The following FAM234B variants were observed in gnomAD, a reference collection of about 807,000 sequenced individuals.
FAM234B encodes family with sequence similarity 234 member B, also known as protein FAM234B.
In FAM234B, 33 loss-of-function variants were observed where a neutral mutation model predicts 69.3. The observed-to-expected ratio is 0.48, with a 90% CI of 0.36 to 0.64. The LOEUF (loss-of-function observed/expected upper bound fraction) is 0.64, where lower values mean the gene tolerates loss of function less well. FAM234B is among the 30% of genes least tolerant of loss of function. The pLI is 0.00. For synonymous variants in FAM234B, 306 were observed against 306.9 expected (o/e 1.00, Z 0.03); for missense variants, 697 against 769.7 (o/e 0.91, Z 1.12).
At chr12:13,048,029 T>C (rs1228929945) in intron 1 of FAM234B, among the ~76,000 whole-genome samples, 1 of 152,194 alleles carries the variant, frequency 6.6e-6, no homozygotes, top group Non-Finnish European at 1.5e-5. Context: ...AAAAAAAAAT[T>C]AGTATAAAAG....
In FAM234B at chr12:13,081,243, A is replaced by G. The variant is rs932595881; in HGVS notation, c.*613A>G. The G allele has an allele frequency of 1.3e-5, 2 of 152,252 alleles. No homozygotes were observed. The highest frequency in any genetic ancestry group is 3.8e-4 in the East Asian group (2 of 5,208). 9.4% of individuals were successfully genotyped at this position (152,252 alleles called of 1,614,324 possible). On this transcript the variant is annotated 3_prime_UTR_variant, in exon 13 of 13. Transcript: ENST00000197268. Reference sequence around the variant, plus strand: ...AGTGGAAGACTGAGTTAGCCATCCAAGCATTTTCATCTCTCTTGTTTTATA... The same window carrying G: ...AGTGGAAGACTGAGTTAGCCATCCAGGCATTTTCATCTCTCTTGTTTTATA...
At chr12:13,046,127 G>C (rs1480525249) in intron 1 of FAM234B, among the ~76,000 whole-genome samples, 2 of 151,930 alleles carry the variant, frequency 1.3e-5, no homozygotes, top group Non-Finnish European at 2.9e-5. Flanking sequence ...CATGTGATGT[G>C]GGTTTTAAGA....
intron 10 of FAM234B, among the ~76,000 whole-genome samples, chr12:13,073,353 A>C (rs1164073129): frequency 6.6e-6 from 1 of 152,036 alleles, no homozygotes; most frequent in Admixed American, 6.6e-5. Flanking sequence ...TGCTGTAGAG[A>C]GTTTGAAGAC....
rs1223583372 is a variant in FAM234B at position 13,082,821 on chromosome 12, G to GGACT, written c.*2193_*2196dup. 6.6e-6 allele frequency: 1 copy of GGACT among 152,112 alleles called. No homozygotes were observed. The highest frequency in any genetic ancestry group is 6.6e-5 in the Admixed American group (1 of 15,264). The allele number at this position is 152,112 out of a possible 1,614,324, so 9.4% of individuals were successfully genotyped here. A position where few individuals can be genotyped will look rare whatever the true frequency, so the allele number is the denominator to read the frequency against. ...GTTTTGGTGGGATTGTTTGGGCAGA[G>GGACT]GACTGTGTTTATGCAGGGCAAATCC... On this transcript the variant is annotated 3_prime_UTR_variant, in exon 13 of 13. Transcript: ENST00000197268.
intron 2 of FAM234B, 67 bp from the exon 3 acceptor site, chr12:13,058,384 C>G (rs2120464014): frequency 7.9e-7 from 1 of 1,271,808 alleles, no homozygotes; most frequent in Admixed American, 1.7e-5. Context: ...TATAGAGCTA[C>G]TGGCAACAGA....
intron 1 of FAM234B, among the ~76,000 whole-genome samples, chr12:13,048,929 A>G (rs1864842762): frequency 6.6e-6 from 1 of 152,162 alleles, no homozygotes. Flanking sequence ...AAACCATCAG[A>G]TCTCGTGAGA....
At chr12:13,050,742 ATCT>A (rs2120444713) in intron 1 of FAM234B, among the ~76,000 whole-genome samples, 1 of 152,262 alleles carries the variant, frequency 6.6e-6, no homozygotes, top group South Asian at 2.1e-4. Flanking sequence ...TAATAATAAT[ATCT>A]ACCATATAAG....
chr12:13,059,283 A>C (rs1864961696), intron 3 of FAM234B, among the ~76,000 whole-genome samples: 1 of 152,184 alleles, frequency 6.6e-6, no homozygotes, highest in Non-Finnish European at 1.5e-5. Flanking sequence ...TCTGGATTCC[A>C]GTAATTGCGT....
intron 5 of FAM234B, among the ~76,000 whole-genome samples, chr12:13,065,293 C>T (rs1472268450): frequency 6.6e-6 from 1 of 152,200 alleles, no homozygotes; most frequent in Non-Finnish European, 1.5e-5. Context: ...ATCCCCATTT[C>T]TCGTACTGTT....
intron 1 of FAM234B, among the ~76,000 whole-genome samples, chr12:13,050,757 T>C (rs1864867432): frequency 6.6e-6 from 1 of 152,156 alleles, no homozygotes; most frequent in Non-Finnish European, 1.5e-5. Flanking sequence ...CCATATAAGA[T>C]TGATGTGAGG....
chr12:13,072,792 T>A (rs1042904275), intron 10 of FAM234B, among the ~76,000 whole-genome samples: 2 of 152,114 alleles, frequency 1.3e-5, no homozygotes. Flanking sequence ...CAAGACACTT[T>A]GTAAGCACTG....
chr12:13,075,163 A>T (rs1415199473), intron 10 of FAM234B, among the ~76,000 whole-genome samples: 3 of 152,196 alleles, frequency 2.0e-5, no homozygotes, highest in African/African-American at 4.8e-5. Flanking sequence ...TTTATAATTG[A>T]TGATTTGCCT....
chr12:13,080,869 G>T lies in FAM234B; in HGVS notation c.*239G>T, dbSNP rs1340979446. ...CATTAATCCCCTCTAGGAACTCTGC[G>T]TGGATCGTTTGGAAATGTGAATCTC... On this transcript the variant is annotated 3_prime_UTR_variant, in exon 13 of 13. Coordinates refer to ENST00000197268, the MANE Select transcript of FAM234B (RefSeq NM_020853.2). The T allele has an allele frequency of 1.8e-5, 8 of 435,066 alleles. No homozygotes were observed. The highest frequency in any genetic ancestry group is 1.3e-4 in the Admixed American group (3 of 23,792). The allele number at this position is 435,066 out of a possible 1,614,324, so 27.0% of individuals were successfully genotyped here.
chr12:13,048,805 T>C (rs975274312), intron 1 of FAM234B, among the ~76,000 whole-genome samples: 8 of 152,228 alleles, frequency 5.3e-5, no homozygotes, highest in African/African-American at 1.9e-4. Flanking sequence ...TTAATGGTCT[T>C]ACAGTTCTGT....
At chr12:13,052,962 T>G (rs569150318) in intron 1 of FAM234B, among the ~76,000 whole-genome samples, 1 of 152,190 alleles carries the variant, frequency 6.6e-6, no homozygotes, top group South Asian at 2.1e-4. Context: ...CTGGGATGGT[T>G]AGGGAATGGT....
intron 2 of FAM234B, among the ~76,000 whole-genome samples, chr12:13,058,011 G>C (rs1357537905): frequency 6.6e-6 from 1 of 152,202 alleles, no homozygotes; most frequent in Non-Finnish European, 1.5e-5. Flanking sequence ...GGTTGGAGTA[G>C]AGCAGTTATT....
At chr12:13,059,018 C>T (rs1452906575) in intron 3 of FAM234B, among the ~76,000 whole-genome samples, 1 of 152,206 alleles carries the variant, frequency 6.6e-6, no homozygotes, top group African/African-American at 2.4e-5. Flanking sequence ...TCAGTTTACA[C>T]TTGTAGACCT....
intron 3 of FAM234B, 83 bp downstream of exon 3, chr12:13,058,632 T>C (rs1486724919): frequency 8.7e-7 from 1 of 1,153,088 alleles, no homozygotes; most frequent in East Asian, 2.3e-5. Flanking sequence ...CAAGTGGTAC[T>C]GCAGAGAAGG....
intron 3 of FAM234B, 57 bp downstream of exon 3, chr12:13,058,606 C>A: frequency 7.0e-7 from 1 of 1,423,062 alleles, no homozygotes; most frequent in Non-Finnish European, 9.9e-7. Context: ...TAGGAGAAAA[C>A]ATCAGAGCTG....
Sources: allele counts gnomAD v4.1 joint callset (sites outside exome capture counted in the v4.1 genomes callset), GRCh38; gene constraint gnomAD v4.1.1; transcripts MANE v1.5; gene names NCBI Gene and HGNC (gene_info 2026-07-23, HGNC 2026-07-21).